IQANK1: variants seen among roughly 807,000 people sequenced by gnomAD.
IQANK1 encodes IQ motif and ankyrin repeat domain-containing protein 1.
A neutral mutation model predicts 22.6 loss-of-function variants in IQANK1; 30 were observed. That is an observed-to-expected ratio of 1.33 (90% CI 0.99 to 1.80). The LOEUF is 1.80. Among genes scored for constraint, IQANK1 ranks in the 40% most tolerant of loss-of-function variants. The pLI is 0.00. For synonymous variants in IQANK1, 122 were observed against 99.6 expected (o/e 1.23, Z -1.34); for missense variants, 275 against 235.2 (o/e 1.17, Z -1.11).
intron 7 of IQANK1, among the ~76,000 whole-genome samples, chr8:143,777,367 T>C (rs1042687355): frequency 6.6e-6 from 1 of 151,116 alleles, no homozygotes; most frequent in Non-Finnish European, 1.5e-5. Flanking sequence ...AATACAAAAA[T>C]TTGCTGGGCA....
At chr8:143,760,522 A>C (rs901749163) in intron 3 of IQANK1, 3 of 151,130 alleles carry the variant, frequency 2.0e-5, no homozygotes, top group African/African-American at 7.3e-5. Context: ...CAAAAAAAAA[A>C]AAAAAAATTA....
At chr8:143,754,877 C>T (rs782173066) in intron 3 of IQANK1, among the ~76,000 whole-genome samples, 6 of 152,154 alleles carry the variant, frequency 3.9e-5, no homozygotes, top group South Asian at 4.1e-4. Context: ...CCGCCCACCT[C>T]GGCCTCCCAA....
chr8:143,748,727 CATATATAAATATATAAATATATATCAT>C (rs1563770374), intron 3 of IQANK1, among the ~76,000 whole-genome samples: 13 of 78,826 alleles, frequency 1.6e-4, no homozygotes, highest in African/African-American at 1.6e-3. Flanking sequence ...TCATATATAT[CATATATAAATATATAAATATATATCAT>C]ATAAATATAT....
chr8:143,764,741 G>A (rs936853873), intron 3 of IQANK1, among the ~76,000 whole-genome samples: 3 of 152,204 alleles, frequency 2.0e-5, no homozygotes, highest in Admixed American at 6.5e-5. Flanking sequence ...GATGGAGAGA[G>A]AGAATGTTAT....
chr8:143,780,705 TTTTC>T (rs1819781257), intron 7 of IQANK1, among the ~76,000 whole-genome samples: 2 of 152,206 alleles, frequency 1.3e-5, no homozygotes, highest in African/African-American at 4.8e-5. Context: ...ATGTACCACA[TTTTC>T]TTTATCTTGT....
intron 3 of IQANK1, chr8:143,742,008 G>T: frequency 4.1e-6 from 1 of 243,002 alleles, no homozygotes; most frequent in African/African-American, 2.2e-5. Context: ...GGGGCCTGCT[G>T]GCTGACGTCC....
rs1818727097 is a variant in IQANK1, at chr8:143,735,980, A to G, written c.85+42A>G. The G allele has an allele frequency of 2.8e-6, 2 of 702,138 alleles. No homozygotes were observed. Among genetic ancestry groups the G allele is most frequent in the Non-Finnish European group, 5.2e-6 (2 of 384,660 alleles). The allele number at this position is 702,138 out of a possible 1,614,324, so 43.5% of individuals were successfully genotyped here. A position where few individuals can be genotyped will look rare whatever the true frequency, so the allele number is the denominator to read the frequency against. On this transcript the variant is annotated intron_variant, in intron 2 of 13. Coordinates refer to ENST00000527139, the MANE Select transcript of IQANK1 (RefSeq NM_001381874.1). This position sits in a 1 kb window ranked among gnomAD's most constrained non-coding sequence, Gnocchi z 5.2. ...ACCTCCAGAGCACTGTCACCCAGACACTGACCTGTGAGACCTTCTATGTAG... is the reference window on the plus strand; with the variant it reads ...ACCTCCAGAGCACTGTCACCCAGACGCTGACCTGTGAGACCTTCTATGTAG...
intron 3 of IQANK1, chr8:143,742,472 C>T: frequency 2.2e-6 from 1 of 456,064 alleles, no homozygotes; most frequent in Non-Finnish European, 4.4e-6. Context: ...GATGTAGACA[C>T]TTGGGCCCCG....
In IQANK1 at chr8:143,771,815, G is replaced by C. The variant is rs1442341554; in HGVS notation, c.321G>C (p.Pro107=). 1 of 396,240 alleles carries C rather than the reference G, an allele frequency of 2.5e-6. No homozygotes were observed. The highest frequency in any genetic ancestry group is 4.5e-6 in the Non-Finnish European group (1 of 224,674). The allele number at this position is 396,240 out of a possible 1,614,324, so 24.5% of individuals were successfully genotyped here. ...ETPQKEAYLA[P]VRREQEAARR... is the part of the protein sequence containing the mutation. ...GCGCCTCCCAGGCCTACCTGGCTCC[G>C]GTGCGCCGGGAGCAGGAGGCCGCGC... The change falls in exon 5 of 14, where the codon CCG becomes CCC. Residue 107 remains proline, a synonymous_variant. Coordinates refer to ENST00000527139, the MANE Select transcript of IQANK1 (RefSeq NM_001381874.1). The surrounding 1 kb of genome is among the most constrained non-coding windows in gnomAD (Gnocchi z 6.0).
chr8:143,780,617 CCT>C (rs1326059985), intron 7 of IQANK1, among the ~76,000 whole-genome samples: 1 of 152,174 alleles, frequency 6.6e-6, no homozygotes, highest in Non-Finnish European at 1.5e-5. Flanking sequence ...AGGATAATGG[CCT>C]CCAGCTCCAT....
intron 7 of IQANK1, among the ~76,000 whole-genome samples, chr8:143,773,261 G>T (rs147693346): frequency 0.048 from 7,198 of 150,936 alleles, 523 homozygotes; most frequent in African/African-American, 0.16. Flanking sequence ...GAGCCAAGAT[G>T]GCGCCACTGC....
rs979980082 is a variant in IQANK1, at chr8:143,735,368, C to T, written c.-4-482C>T. On this transcript the variant is annotated intron_variant, in intron 1 of 13. Transcript: ENST00000527139. The surrounding 1 kb of genome is among the most constrained non-coding windows in gnomAD (Gnocchi z 5.2). ...TGCCAGAGCCGGGACCACATAAGGT[C>T]TGAGGGTGTGGAGGGGTGAGTGCCT... Among the ~76,000 whole-genome samples the T allele has an allele frequency of 6.6e-6, 1 of 152,102 alleles. No individual in the cohort carries two copies.
At chr8:143,742,094 G>A (rs1218054322) in intron 3 of IQANK1, 1 of 337,298 alleles carries the variant, frequency 3.0e-6, no homozygotes, top group Non-Finnish European at 5.9e-6. Context: ...GTCCCCACAG[G>A]ATGCAGAACC....
At chr8:143,746,513 G>C (rs7010005) in intron 3 of IQANK1, among the ~76,000 whole-genome samples, 3,657 of 152,150 alleles carry the variant, frequency 0.024, 143 homozygotes, top group African/African-American at 0.083. Context: ...CTCCCAAGTA[G>C]CTGGGACTAC....
chr8:143,756,547 A>T (rs1169297466), intron 3 of IQANK1, among the ~76,000 whole-genome samples: 1 of 151,992 alleles, frequency 6.6e-6, no homozygotes, highest in Non-Finnish European at 1.5e-5. Context: ...GCTGGTACAC[A>T]CGCCCAACCT....
chr8:143,766,324 T>C (rs998167985), intron 3 of IQANK1, among the ~76,000 whole-genome samples: 1 of 152,184 alleles, frequency 6.6e-6, no homozygotes, highest in Non-Finnish European at 1.5e-5. Context: ...TGCAAATACC[T>C]TCTCCCACTC....
chr8:143,778,197 AAC>A (rs1324077257), intron 7 of IQANK1, among the ~76,000 whole-genome samples: 5,727 of 16,760 alleles, frequency 0.34, 327 homozygotes, highest in African/African-American at 0.45. Context: ...TCCGTCTCAA[AAC>A]AAAAAAAAAA....
chr8:143,757,364 T>C (rs1819313135), intron 3 of IQANK1, among the ~76,000 whole-genome samples: 1 of 145,470 alleles, frequency 6.9e-6, no homozygotes, highest in Non-Finnish European at 1.5e-5. Context: ...TGAGACGGAG[T>C]CTCACTCTGT....
rs549528907 is a variant in IQANK1 at position 143,772,931 on chromosome 8, T to A, written c.789+449T>A. Reference sequence around the variant, plus strand: ...CATCGGTCCCCTCACTGTCAGTACGTCGGTTTTCCAGAGAACTTGAGCCAC... The same window carrying A: ...CATCGGTCCCCTCACTGTCAGTACGACGGTTTTCCAGAGAACTTGAGCCAC... On this transcript the variant is annotated intron_variant, in intron 7 of 13. Transcript: ENST00000527139. Among the ~76,000 whole-genome samples, 14 of 152,264 alleles carry A rather than the reference T, an allele frequency of 9.2e-5. No individual in the cohort carries two copies. The South Asian group carries it at 2.9e-3, about 32-fold the overall frequency.
Sources: allele counts gnomAD v4.1 joint callset (sites outside exome capture counted in the v4.1 genomes callset), GRCh38; gene constraint gnomAD v4.1.1; non-coding constraint Gnocchi (gnomAD v3.1); transcripts MANE v1.5; gene names NCBI Gene and HGNC (gene_info 2026-07-23, HGNC 2026-07-21).